Variants in AHRR observed in about 807,000 individuals in gnomAD.
The protein encoded by AHRR is aryl hydrocarbon receptor repressor.
Under a neutral mutation model 44.0 loss-of-function variants are expected in AHRR, and 28 were observed. The ratio of observed to expected loss-of-function variants is 0.64; its 90% CI spans 0.47 to 0.87. The LOEUF (loss-of-function observed/expected upper bound fraction) is 0.87. Among genes scored for constraint, AHRR ranks in the 40% least tolerant of loss-of-function variants. AHRR has a pLI of 0.00. For missense variants in AHRR, 990 were observed against 953.9 expected (o/e 1.04, Z -0.50); for synonymous variants, 434 against 407.0 (o/e 1.07, Z -0.80).
chr5:380,186 C>A (rs934457222), intron 4 of AHRR, among the ~76,000 whole-genome samples: 1 of 152,188 alleles, frequency 6.6e-6, no homozygotes. Context: ...TTCTATATAT[C>A]TGTATTTTTA....
chr5:344,490 CTG>C (rs1367385987), intron 2 of AHRR, among the ~76,000 whole-genome samples: 12 of 2,738 alleles, frequency 4.4e-3, no homozygotes, highest in African/African-American at 0.018. Flanking sequence ...GCGGGGGGAG[CTG>C]TGTGTGTGTG....
intron 3 of AHRR, among the ~76,000 whole-genome samples, chr5:368,974 G>A (rs1180067669): frequency 2.6e-5 from 4 of 152,130 alleles, no homozygotes; most frequent in South Asian, 2.1e-4. Flanking sequence ...GGTGCCCCCC[G>A]TTTTGTAAAT....
In AHRR at chr5:324,005, C is replaced by CCCTTT. The variant is rs376443900; in HGVS notation, c.-11+2186_-11+2187insCCTTT. On this transcript the variant is annotated intron_variant, in intron 1 of 10. Transcript: ENST00000684583. ...CCTTCCTACCTTCCTTTCTTTTTTT[C>CCCTTT]TCTTTCTTTCTTTCTTTCTCTCTCT... Among the ~76,000 whole-genome samples, 7 of 116,172 alleles carry CCCTTT rather than the reference C, an allele frequency of 6.0e-5. No homozygotes were observed. In the South Asian group the frequency reaches 2.0e-3, roughly 33 times the overall value. The allele number at this position is 116,172 out of a possible 152,430, so 76.2% of individuals were successfully genotyped here.
intron 3 of AHRR, among the ~76,000 whole-genome samples, chr5:367,222 G>A (rs983680141): frequency 5.3e-5 from 8 of 152,250 alleles, no homozygotes; most frequent in Non-Finnish European, 1.0e-4. Flanking sequence ...GAGCTGGGGG[G>A]AAGAGCAAGT....
Position 434,431 on chromosome 5 carries a change from C to T in AHRR, c.1691C>T (p.Ala564Val), listed in dbSNP as rs61757546. The change falls in exon 11 of 11, where the codon GCC becomes GTC. Residue 564 changes from alanine to valine, a missense_variant. Coordinates refer to ENST00000684583, the MANE Select transcript of AHRR (RefSeq NM_001377236.1). ...WLGASDRSHPATFPTRMHLKT... is the reference protein window; with the variant it reads ...WLGASDRSHPVTFPTRMHLKT... ...GGGGCCAGTGACAGGAGCCACCCAGCCACCTTCCCTACCAGGATGCACCTG... is the reference window on the plus strand; with the variant it reads ...GGGGCCAGTGACAGGAGCCACCCAGTCACCTTCCCTACCAGGATGCACCTG... The T allele has an allele frequency of 3.5e-3, 5,725 of 1,613,346 alleles. 15 individuals carry two copies. The highest frequency in any genetic ancestry group is 3.9e-3 in the Non-Finnish European group (4,552 of 1,179,958).
At chr5:379,717 T>C (rs994750103) in intron 4 of AHRR, among the ~76,000 whole-genome samples, 1 of 152,252 alleles carries the variant, frequency 6.6e-6, no homozygotes, top group African/African-American at 2.4e-5. Context: ...TAGAGATCTC[T>C]TTATATATTC....
rs556526533 is a variant in AHRR, at chr5:398,038, T to C, written c.352-15306T>C. Reference sequence around the variant, plus strand: ...TGACCATCCACGTAGCTCCTGACCATCCATGTTAGCCCCTGACCATCCACG... The same window carrying C: ...TGACCATCCACGTAGCTCCTGACCACCCATGTTAGCCCCTGACCATCCACG... On this transcript the variant is annotated intron_variant, in intron 4 of 10. Coordinates refer to ENST00000684583, the MANE Select transcript of AHRR (RefSeq NM_001377236.1). Among the ~76,000 whole-genome samples the C allele has an allele frequency of 6.4e-5, 8 of 125,096 alleles. No individual in the cohort carries two copies. The South Asian group carries it at 2.1e-3, about 32-fold the overall frequency. 82.1% of individuals were successfully genotyped at this position (125,096 alleles called of 152,430 possible). A position where few individuals can be genotyped will look rare whatever the true frequency, so the allele number is the denominator to read the frequency against.
chr5:348,396 A>T (rs142261661), intron 2 of AHRR, among the ~76,000 whole-genome samples: 2 of 151,592 alleles, frequency 1.3e-5, no homozygotes, highest in African/African-American at 4.8e-5. Flanking sequence ...ATTTCAGCTG[A>T]ACTGCACGTT....
At chr5:324,023 C>CTCTT (rs1278674794) in intron 1 of AHRR, among the ~76,000 whole-genome samples, 1 of 135,306 alleles carries the variant, frequency 7.4e-6, no homozygotes, top group South Asian at 2.2e-4. Flanking sequence ...TTCTTTCTTT[C>CTCTT]TCTCTCTCTC....
At chr5:368,351 G>A (rs1743444048) in intron 3 of AHRR, among the ~76,000 whole-genome samples, 1 of 152,224 alleles carries the variant, frequency 6.6e-6, no homozygotes, top group African/African-American at 2.4e-5. Flanking sequence ...TTAGTGGCCT[G>A]CAGTGTTGAC....
intron 5 of AHRR, among the ~76,000 whole-genome samples, chr5:415,817 G>A (rs1366418): frequency 0.78 from 117,893 of 150,724 alleles, 47,397 homozygotes; most frequent in Non-Finnish European, 0.89. Flanking sequence ...TCACGTCTGC[G>A]CAGGCCCTGA....
intron 4 of AHRR, among the ~76,000 whole-genome samples, chr5:402,652 A>G (rs1735066554): frequency 6.6e-6 from 1 of 151,942 alleles, no homozygotes; most frequent in African/African-American, 2.4e-5. Context: ...CTTCCATGCA[A>G]CGCAGCAGCC....
intron 1 of AHRR, among the ~76,000 whole-genome samples, chr5:330,347 GGC>G (rs1741864942): frequency 6.6e-6 from 1 of 152,030 alleles, no homozygotes; most frequent in African/African-American, 2.4e-5. Flanking sequence ...CTTTCTGATG[GGC>G]TGTTGGATTC....
At chr5:367,740 G>T (rs1284678424) in intron 3 of AHRR, 1 of 652,168 alleles carries the variant, frequency 1.5e-6, no homozygotes. Context: ...TCTGCTGCTC[G>T]TTCTCTCCTA....
intron 4 of AHRR, among the ~76,000 whole-genome samples, chr5:389,523 C>T (rs1416512356): frequency 6.6e-6 from 1 of 152,112 alleles, no homozygotes; most frequent in Non-Finnish European, 1.5e-5. Context: ...GCTGAACAGT[C>T]GAGGAGCCCT....
chr5:379,164 G>A (rs1347716251), intron 4 of AHRR, among the ~76,000 whole-genome samples: 1 of 152,222 alleles, frequency 6.6e-6, no homozygotes, highest in Non-Finnish European at 1.5e-5. Context: ...GCCAGCTTCA[G>A]TCAGCACAGT....
chr5:432,339 T>A, intron 8 of AHRR, 124 bp from the exon 9 acceptor site: 4 of 860,804 alleles, frequency 4.6e-6, no homozygotes, highest in Non-Finnish European at 5.7e-6. Flanking sequence ...ATTGTTTCTG[T>A]CTTCACTGCT....
intron 1 of AHRR, among the ~76,000 whole-genome samples, chr5:336,613 A>G (rs1310514483): frequency 6.6e-6 from 1 of 152,200 alleles, no homozygotes; most frequent in East Asian, 1.9e-4. Context: ...CTTTCTTGGT[A>G]GTGTCTTGTG....
At position 404,659 on chromosome 5, in the gene AHRR, A is replaced by G. The variant is rs1735182229; in HGVS notation, c.352-8685A>G. 1 of 181,906 alleles carries G rather than the reference A, an allele frequency of 5.5e-6. No individual in the cohort carries two copies. Among genetic ancestry groups the G allele is most frequent in the Non-Finnish European group, 1.2e-5 (1 of 86,718 alleles). 11.3% of individuals were successfully genotyped at this position (181,906 alleles called of 1,614,324 possible). A position where few individuals can be genotyped will look rare whatever the true frequency, so the allele number is the denominator to read the frequency against. ...TGGTTGAGTCAGTAATACGAGGGAC[A>G]TGGAAGTCTGGCCTTGGGGGGCGTC... On this transcript the variant is annotated intron_variant, in intron 4 of 10. Transcript: ENST00000684583. The surrounding 1 kb of genome is among the most constrained non-coding windows in gnomAD (Gnocchi z 4.1).
Sources: allele counts gnomAD v4.1 joint callset (sites outside exome capture counted in the v4.1 genomes callset), GRCh38; gene constraint gnomAD v4.1.1; non-coding constraint Gnocchi (gnomAD v3.1); transcripts MANE v1.5; gene names NCBI Gene and HGNC (gene_info 2026-07-23, HGNC 2026-07-21).